The following VRK3 variants were observed in gnomAD, a reference collection of about 807,000 sequenced individuals.
VRK3 encodes VRK serine/threonine kinase 3.
Under a neutral mutation model 60.4 loss-of-function variants are expected in VRK3, and 50 were observed. The observed-to-expected ratio is 0.83, with a 90% confidence interval of 0.66 to 1.05. VRK3 has a LOEUF of 1.05. Among genes scored for constraint, VRK3 ranks in the 50% least tolerant of loss-of-function variants. The pLI, the probability that VRK3 is intolerant of heterozygous loss-of-function variation, is 0.00. For missense variants in VRK3, 549 were observed against 585.3 expected, an observed-to-expected ratio of 0.94 and a Z score of 0.64; for synonymous variants, 246 against 227.8, an observed-to-expected ratio of 1.08 and a Z score of -0.72.
At chr19:49,999,286 T>C in intron 6 of VRK3, 1 of 152,324 alleles carries the variant, frequency 6.6e-6, no homozygotes, top group Non-Finnish European at 1.5e-5. Context: ...TTTTGCGTCC[T>C]GGAGTCCTCC....
At chr19:49,997,471 T>C in intron 7 of VRK3, 33 bp downstream of exon 7, 1 of 1,610,928 alleles carries the variant, frequency 6.2e-7, no homozygotes, top group South Asian at 1.1e-5. Context: ...CCCCCCTCAC[T>C]CTCCCCTCCT....
intron 13 of VRK3, among the ~76,000 whole-genome samples, chr19:49,980,590 G>C (rs1199181913): frequency 6.6e-6 from 1 of 151,962 alleles, no homozygotes; most frequent in Non-Finnish European, 1.5e-5. Context: ...GGTGACGCAC[G>C]CCTATAACCC....
chr19:49,994,726 CG>C, intron 9 of VRK3, 87 bp downstream of exon 9: 2 of 1,202,212 alleles, frequency 1.7e-6, no homozygotes, highest in South Asian at 2.8e-5. Flanking sequence ...GGGTGGGGGC[CG>C]GAAGTGTCAA....
At chr19:50,000,896 G>C (rs367877992) in intron 5 of VRK3, 42 bp from the exon 6 acceptor site, 119 of 1,586,916 alleles carry the variant, frequency 7.5e-5, no homozygotes, top group Admixed American at 2.2e-4. Context: ...TAACCACGCG[G>C]AAGGTCAGGG....
At chr19:50,013,121 C>T (rs529589757) in intron 3 of VRK3, among the ~76,000 whole-genome samples, 2 of 152,168 alleles carry the variant, frequency 1.3e-5, no homozygotes, top group Admixed American at 6.5e-5. Context: ...GAGCCAAGAT[C>T]GCGTCACTGC....
intron 12 of VRK3, among the ~76,000 whole-genome samples, chr19:49,985,369 C>A (rs1463592418): frequency 2.0e-5 from 3 of 152,218 alleles, no homozygotes; most frequent in Non-Finnish European, 2.9e-5. Flanking sequence ...GCTTCCCATG[C>A]AGAGGTTGCC....
intron 5 of VRK3, among the ~76,000 whole-genome samples, chr19:50,004,810 T>C (rs2076867499): frequency 6.6e-6 from 1 of 151,942 alleles, no homozygotes; most frequent in South Asian, 2.1e-4. Flanking sequence ...CTCGGGAGGC[T>C]GAGGGGGGAG....
chr19:50,015,038 CG>C (rs767408297), intron 3 of VRK3, among the ~76,000 whole-genome samples: 2 of 151,768 alleles, frequency 1.3e-5, no homozygotes, highest in South Asian at 4.1e-4. Context: ...TCACGGGGTG[CG>C]AGACAAAGAG....
chr19:50,010,108 TAC>T (rs1302379712), intron 3 of VRK3, among the ~76,000 whole-genome samples: 2 of 152,108 alleles, frequency 1.3e-5, no homozygotes, highest in Admixed American at 6.6e-5. Flanking sequence ...TGTATATATA[TAC>T]ACACATACAC....
chr19:50,020,107 C>G (rs949238563), intron 2 of VRK3, among the ~76,000 whole-genome samples: 1 of 151,538 alleles, frequency 6.6e-6, no homozygotes, highest in Non-Finnish European at 1.5e-5. Flanking sequence ...GTGGTGCAAT[C>G]TCAGCTCACT....
rs147598392 is a variant in VRK3, at chr19:50,016,201, C to T, written c.-1-38G>A. On this transcript the variant is annotated intron_variant, in intron 2 of 14. Coordinates refer to ENST00000316763, the MANE Select transcript of VRK3 (RefSeq NM_016440.4). The stretch of plus-strand genomic sequence containing the variant: ...ATGAACAAACACAAAGTGAAACGGG[C>T]CAGCTGAAGGTCAGTGGAAGTATTG... 1,026 of 1,610,284 alleles carry T rather than the reference C, an allele frequency of 6.4e-4. 9 individuals carry two copies. In the African/African-American group the frequency reaches 0.012, roughly 19 times the overall value.
chr19:50,014,575 T>C (rs950645363), intron 3 of VRK3, among the ~76,000 whole-genome samples: 1 of 152,048 alleles, frequency 6.6e-6, no homozygotes, highest in African/African-American at 2.4e-5. Flanking sequence ...AGACTCAGTC[T>C]CAAAAACAAA....
At chr19:49,988,905 G>A (rs1156412727) in intron 11 of VRK3, among the ~76,000 whole-genome samples, 1 of 152,210 alleles carries the variant, frequency 6.6e-6, no homozygotes. Context: ...ACACACGGGA[G>A]CCCAGAAGGA....
chr19:49,995,038 T>A, intron 8 of VRK3, 119 bp from the exon 9 acceptor site: 1 of 1,281,800 alleles, frequency 7.8e-7, no homozygotes, highest in Non-Finnish European at 1.1e-6. Flanking sequence ...GATCAAAGGT[T>A]CTGACTGGCT....
intron 13 of VRK3, among the ~76,000 whole-genome samples, chr19:49,979,804 G>T (rs1436664924): frequency 1.3e-5 from 2 of 152,130 alleles, no homozygotes; most frequent in Admixed American, 6.5e-5. Flanking sequence ...AGCACTTTGG[G>T]AGGCAGAGGC....
At chr19:49,989,840 G>A in intron 10 of VRK3, 69 bp from the exon 11 acceptor site, 2 of 1,486,258 alleles carry the variant, frequency 1.3e-6, no homozygotes, top group East Asian at 2.4e-5. Flanking sequence ...TTCCATCGTG[G>A]GTGCAAGTGA....
chr19:49,982,711 C>T (rs1467947147), intron 12 of VRK3, among the ~76,000 whole-genome samples: 6 of 152,218 alleles, frequency 3.9e-5, no homozygotes, highest in Non-Finnish European at 8.8e-5. Context: ...AGAATTCACA[C>T]ATATGGACTC....
At chr19:50,000,896 G>A (rs367877992) in intron 5 of VRK3, 42 bp from the exon 6 acceptor site, 1 of 1,587,034 alleles carries the variant, frequency 6.3e-7, no homozygotes, top group Non-Finnish European at 8.6e-7. Flanking sequence ...TAACCACGCG[G>A]AAGGTCAGGG....
At chr19:49,980,030 A>G (rs2076396838) in intron 13 of VRK3, among the ~76,000 whole-genome samples, 1 of 152,142 alleles carries the variant, frequency 6.6e-6, no homozygotes, top group South Asian at 2.1e-4. Context: ...AGCCTGGGCG[A>G]CAGAGCAAGA....
Sources: allele counts gnomAD v4.1 joint callset (sites outside exome capture counted in the v4.1 genomes callset), GRCh38; gene constraint gnomAD v4.1.1; transcripts MANE v1.5; gene names NCBI Gene and HGNC (gene_info 2026-07-23, HGNC 2026-07-21).